The following ST18 variants were observed in gnomAD, a reference collection of about 807,000 sequenced individuals.
ST18 encodes suppression of tumorigenicity 18 protein.
A neutral mutation model predicts 110.0 loss-of-function variants in ST18; 50 were observed. That is an observed-to-expected ratio of 0.45 (90% confidence interval 0.36 to 0.58). ST18 has a LOEUF of 0.58. Among genes scored for constraint, ST18 ranks in the 20% least tolerant of loss-of-function variants. The pLI, the probability that ST18 is intolerant of heterozygous loss-of-function variation, is 0.00. For missense variants in ST18, 1,306 were observed against 1,280.1 expected, an observed-to-expected ratio of 1.02 and a Z score of -0.31; for synonymous variants, 461 against 452.4, an observed-to-expected ratio of 1.02 and a Z score of -0.24.
chr8:52,333,748 A>G (rs1810722248), intron 2 of ST18, among the ~76,000 whole-genome samples: 1 of 152,264 alleles, frequency 6.6e-6, no homozygotes, highest in South Asian at 2.1e-4. Flanking sequence ...TATTGTGTAC[A>G]ATATGTGAAT....
intron 10 of ST18, among the ~76,000 whole-genome samples, chr8:52,167,564 A>G (rs2063428698): frequency 6.6e-6 from 1 of 152,202 alleles, no homozygotes; most frequent in African/African-American, 2.4e-5. Context: ...CTAGTGATTC[A>G]CGGTCTCGAG....
chr8:52,325,937 T>C (rs1271214977), intron 2 of ST18, among the ~76,000 whole-genome samples: 1 of 152,226 alleles, frequency 6.6e-6, no homozygotes, highest in Non-Finnish European at 1.5e-5. Context: ...GTGTTCCTTT[T>C]CAATATATTA....
At chr8:52,400,564 C>T (rs953667005) in intron 2 of ST18, among the ~76,000 whole-genome samples, 8 of 151,972 alleles carry the variant, frequency 5.3e-5, no homozygotes, top group Non-Finnish European at 8.8e-5. Context: ...CTTTGATTCC[C>T]TTTTCTTCCT....
At chr8:52,367,731 C>T (rs1828687068) in intron 2 of ST18, among the ~76,000 whole-genome samples, 1 of 152,120 alleles carries the variant, frequency 6.6e-6, no homozygotes, top group Admixed American at 6.5e-5. Context: ...GTTAAGCAAA[C>T]CTGACTAAAC....
Position 52,166,896 on chromosome 8 carries a change from C to A in ST18, c.1160G>T (p.Arg387Leu), listed in dbSNP as rs760960889. Residue 387 changes from arginine (R) to leucine (L), a missense_variant, in exon 11 of 26, where the codon CGC (arginine) becomes CTC (leucine). Transcript: ENST00000689386. The stretch of plus-strand genomic sequence containing the variant: ...TTTGTGGGGGCACCCCGAAAGGCTG[C>A]GGTGGTGCGGGTAGAGCCCTGTCAC... ...GHVTGLYPHH[R>L]SLSGCPHKVR... The A allele has an allele frequency of 1.2e-6, 2 of 1,607,222 alleles. No individual in the cohort carries two copies. Among genetic ancestry groups the A allele is most frequent in the Non-Finnish European group, 8.5e-7 (1 of 1,175,212 alleles).
At chr8:52,242,453 T>A (rs1253845390) in intron 2 of ST18, among the ~76,000 whole-genome samples, 1 of 152,218 alleles carries the variant, frequency 6.6e-6, no homozygotes, top group Non-Finnish European at 1.5e-5. Flanking sequence ...TGGTGCAGTT[T>A]TCTCCATGAT....
intron 9 of ST18, among the ~76,000 whole-genome samples, chr8:52,174,986 G>C (rs1180236996): frequency 6.6e-6 from 1 of 151,716 alleles, no homozygotes; most frequent in African/African-American, 2.4e-5. Context: ...TTCTCTGGGG[G>C]CCTGGTGGTT....
At chr8:52,282,568 G>C (rs2095401671) in intron 2 of ST18, among the ~76,000 whole-genome samples, 1 of 152,270 alleles carries the variant, frequency 6.6e-6, no homozygotes, top group East Asian at 1.9e-4. Context: ...ATCACTGTAT[G>C]TAGGGACCTC....
intron 23 of ST18, among the ~76,000 whole-genome samples, chr8:52,122,304 T>A (rs2045239914): frequency 6.6e-6 from 1 of 152,066 alleles, no homozygotes; most frequent in East Asian, 1.9e-4. Flanking sequence ...ATATTATATT[T>A]TCTTTGTATT....
intron 2 of ST18, among the ~76,000 whole-genome samples, chr8:52,282,924 T>A (rs963071858): frequency 2.0e-4 from 31 of 151,962 alleles, no homozygotes; most frequent in Non-Finnish European, 4.4e-5. Context: ...AAGAGTGGCA[T>A]ATGTGATGTG....
intron 2 of ST18, among the ~76,000 whole-genome samples, chr8:52,271,023 C>T (rs1021753342): frequency 6.6e-6 from 1 of 151,834 alleles, no homozygotes; most frequent in Admixed American, 6.6e-5. Context: ...CTCAGCCTCC[C>T]GAGTAGCTGG....
At chr8:52,282,739 G>A (rs1359467195) in intron 2 of ST18, among the ~76,000 whole-genome samples, 1 of 152,132 alleles carries the variant, frequency 6.6e-6, no homozygotes, top group Non-Finnish European at 1.5e-5. Context: ...CATCGGGAAG[G>A]TGAGTCATCG....
At chr8:52,309,792 C>A (rs2095874040) in intron 2 of ST18, among the ~76,000 whole-genome samples, 1 of 152,082 alleles carries the variant, frequency 6.6e-6, no homozygotes, top group Non-Finnish European at 1.5e-5. Context: ...CCCAGACCAC[C>A]ATGACCTACT....
chr8:52,184,764 G>A (rs1483361599), intron 8 of ST18, among the ~76,000 whole-genome samples: 1 of 152,060 alleles, frequency 6.6e-6, no homozygotes, highest in Non-Finnish European at 1.5e-5. Context: ...TACATTCTGG[G>A]CACACATCCC....
chr8:52,168,157 A>G (rs1475033288), intron 10 of ST18, among the ~76,000 whole-genome samples: 1 of 150,796 alleles, frequency 6.6e-6, no homozygotes, highest in Non-Finnish European at 1.5e-5. Context: ...AAGAAAGAGC[A>G]TGAGAAGATG....
chr8:52,254,955 T>C (rs1484035520), intron 2 of ST18, among the ~76,000 whole-genome samples: 2 of 152,142 alleles, frequency 1.3e-5, no homozygotes, highest in African/African-American at 2.4e-5. Context: ...CAGGCACAGA[T>C]ACTGAAAAGA....
chr8:52,191,617 A>T lies in ST18; in HGVS notation c.87-11305T>A, dbSNP rs147017048. Reference sequence around the variant, plus strand: ...AAGAAAAGGAAGAGTTAGTTCGTACATGGTTCACCTCAGCATCTGAGTTCA... The same window carrying T: ...AAGAAAAGGAAGAGTTAGTTCGTACTTGGTTCACCTCAGCATCTGAGTTCA... On this transcript the variant is annotated intron_variant, in intron 8 of 25. Coordinates refer to ENST00000689386, the MANE Select transcript of ST18 (RefSeq NM_001352837.2). 2.7e-3 allele frequency among the ~76,000 whole-genome samples: 411 copies of T among 152,286 alleles called. 1 individual carries two copies. The highest frequency in any genetic ancestry group is 4.6e-3 in the Non-Finnish European group (311 of 68,014).
chr8:52,280,934 T>C (rs1029544666), intron 2 of ST18, among the ~76,000 whole-genome samples: 5 of 151,950 alleles, frequency 3.3e-5, no homozygotes, highest in African/African-American at 1.2e-4. Flanking sequence ...ATTGTAAAAA[T>C]GATGATATAC....
intron 2 of ST18, among the ~76,000 whole-genome samples, chr8:52,277,166 G>A (rs1227061476): frequency 6.6e-6 from 1 of 152,246 alleles, no homozygotes; most frequent in Non-Finnish European, 1.5e-5. Context: ...GGTGCTGAGA[G>A]AGGCCTCGGG....
Sources: allele counts gnomAD v4.1 joint callset (sites outside exome capture counted in the v4.1 genomes callset), GRCh38; gene constraint gnomAD v4.1.1; transcripts MANE v1.5; gene names NCBI Gene and HGNC (gene_info 2026-07-23, HGNC 2026-07-21).